The following APLP2 variants were observed in gnomAD, a reference collection of about 807,000 sequenced individuals.
APLP2 encodes the protein CDEI box-binding protein.
Under a neutral mutation model 89.9 loss-of-function variants are expected in APLP2, and 53 were observed. That is an observed-to-expected ratio of 0.59 (90% CI 0.47 to 0.74). APLP2 has a LOEUF of 0.74. Among genes scored for constraint, APLP2 ranks in the 30% least tolerant of loss-of-function variants. The pLI, the probability that APLP2 is intolerant of heterozygous loss-of-function variation, is 0.00. For synonymous variants in APLP2, 372 were observed against 348.6 expected (o/e 1.07, Z -0.75); for missense variants, 973 against 975.9 (o/e 1.00, Z 0.04).
intron 16 of APLP2, 90 bp downstream of exon 16, chr11:130,142,164 C>T (rs1952500795): frequency 1.1e-5 from 15 of 1,362,698 alleles, no homozygotes; most frequent in Middle Eastern, 2.5e-4. Flanking sequence ...CTTCACTCCT[C>T]GAGTACTGGA....
chr11:130,083,026 C>T (rs78560043), intron 1 of APLP2, among the ~76,000 whole-genome samples: 5,125 of 71,880 alleles, frequency 0.071, 194 homozygotes, highest in East Asian at 0.19. Context: ...CTTTTCTTTT[C>T]TTTTTTTTTT....
intron 1 of APLP2, among the ~76,000 whole-genome samples, chr11:130,096,729 A>T (rs1456969828): frequency 2.0e-5 from 3 of 152,158 alleles, no homozygotes; most frequent in Admixed American, 1.3e-4. Context: ...AAAAAATACC[A>T]AAAAAGGTGC....
intron 6 of APLP2, among the ~76,000 whole-genome samples, 185 bp downstream of exon 6, chr11:130,122,698 G>A (rs138620366): frequency 6.6e-6 from 1 of 152,314 alleles, no homozygotes; most frequent in African/African-American, 2.4e-5. Flanking sequence ...GGGCAGGCAG[G>A]CACATCCAGG....
chr11:130,142,740 C>T (rs1305165101), intron 16 of APLP2, among the ~76,000 whole-genome samples: 1 of 151,990 alleles, frequency 6.6e-6, no homozygotes. Flanking sequence ...CAGCCTCCCA[C>T]CTAGCTGAGA....
intron 3 of APLP2, among the ~76,000 whole-genome samples, chr11:130,119,054 G>T (rs965811346): frequency 7.9e-5 from 12 of 152,216 alleles, no homozygotes; most frequent in Non-Finnish European, 1.5e-4. Context: ...TGCGCCCGAG[G>T]CCCAAGGCAG....
rs114384574 is a variant in APLP2, at chr11:130,131,578, A to G, written c.1584+1412A>G. 4.9e-3 allele frequency among the ~76,000 whole-genome samples: 742 copies of G among 152,338 alleles called. 5 individuals carry two copies. The highest frequency in any genetic ancestry group is 0.017 in the African/African-American group (706 of 41,562). On this transcript the variant is annotated intron_variant, in intron 11 of 16. Coordinates refer to ENST00000338167, the MANE Select transcript of APLP2 (RefSeq NM_001142276.2). ...TTTGCTTCACGCTGGATGTAGCAGAAGAGGAGAAAGTCCAAGAGGCCTGGA... is the reference window on the plus strand; with the variant it reads ...TTTGCTTCACGCTGGATGTAGCAGAGGAGGAGAAAGTCCAAGAGGCCTGGA...
intron 14 of APLP2, 129 bp downstream of exon 14, chr11:130,140,612 C>A: frequency 1.7e-6 from 1 of 592,990 alleles, no homozygotes. Context: ...GGTTGGAGGG[C>A]TCCAACGGCT....
intron 1 of APLP2, among the ~76,000 whole-genome samples, chr11:130,105,701 CT>C (rs765278847): frequency 0.053 from 6,212 of 118,072 alleles, 72 homozygotes; most frequent in Non-Finnish European, 0.067. Flanking sequence ...TTTCTGTCTG[CT>C]TTTTTTTTTT....
chr11:130,142,463 T>G (rs924028323), intron 16 of APLP2, among the ~76,000 whole-genome samples: 3 of 152,164 alleles, frequency 2.0e-5, no homozygotes, highest in Non-Finnish European at 4.4e-5. Flanking sequence ...CTTCTGCTGG[T>G]TACTGAACTT....
In APLP2 at chr11:130,124,226, G is replaced by A. The variant is rs141862788; in HGVS notation, c.1090+447G>A. 1.2e-4 allele frequency among the ~76,000 whole-genome samples: 18 copies of A among 152,304 alleles called. No individual in the cohort carries two copies. In the East Asian group the frequency reaches 2.1e-3, roughly 18 times the overall value. ...TGTGATGCATGCCAGCTCATGGGGC[G>A]CCTCCTCTCGAAAGGAGTGACAGTG... is the stretch of plus-strand genomic sequence containing the variant. On this transcript the variant is annotated intron_variant, in intron 7 of 16. Transcript: ENST00000338167.
rs747180 is a variant in APLP2, at chr11:130,120,692, A to G, written c.404-14A>G. On this transcript the variant is annotated splice_polypyrimidine_tract_variant and intron_variant, in intron 3 of 16. Transcript: ENST00000338167. Reference sequence around the variant, plus strand: ...CATGGTCAGATCCGCTCTGACAAAGATTCTCTTTTCCAGTGGGTGAATTTG... The same window carrying G: ...CATGGTCAGATCCGCTCTGACAAAGGTTCTCTTTTCCAGTGGGTGAATTTG... 227,981 of 1,597,810 alleles carry G rather than the reference A, an allele frequency of 0.14. 27,523 individuals are homozygous for G. Among genetic ancestry groups the G allele is most frequent in the African/African-American group, 0.64 (48,000 of 74,616 alleles).
intron 1 of APLP2, among the ~76,000 whole-genome samples, chr11:130,105,139 G>A (rs530097734): frequency 1.3e-5 from 2 of 152,322 alleles, no homozygotes; most frequent in Middle Eastern, 3.4e-3. Context: ...TCAGCTAGGC[G>A]TAGTATCTCA....
chr11:130,070,163 C>T, intron 1 of APLP2, 81 bp downstream of exon 1: 5 of 986,394 alleles, frequency 5.1e-6, no homozygotes, highest in Non-Finnish European at 6.5e-6. Context: ...GCGGGGTCCG[C>T]GGCAGGGCGG....
intron 3 of APLP2, among the ~76,000 whole-genome samples, chr11:130,119,880 C>T (rs1170527432): frequency 6.6e-6 from 1 of 152,142 alleles, no homozygotes; most frequent in African/African-American, 2.4e-5. Flanking sequence ...CCTAAGTGTC[C>T]AACTAGTGTT....
At chr11:130,106,594 C>G (rs934377107) in intron 1 of APLP2, among the ~76,000 whole-genome samples, 1 of 152,182 alleles carries the variant, frequency 6.6e-6, no homozygotes, top group Non-Finnish European at 1.5e-5. Flanking sequence ...GCCTCAAAAT[C>G]AACATTGCCT....
intron 1 of APLP2, among the ~76,000 whole-genome samples, chr11:130,088,567 TTC>T (rs1298784239): frequency 1.3e-5 from 2 of 152,116 alleles, no homozygotes; most frequent in African/African-American, 4.8e-5. Context: ...AAATGTCATC[TTC>T]TCTCTCTGCT....
chr11:130,109,645 G>A, intron 2 of APLP2, 43 bp downstream of exon 2: 1 of 1,576,238 alleles, frequency 6.3e-7, no homozygotes, highest in African/African-American at 1.4e-5. Flanking sequence ...TTTTTCTGGG[G>A]CAGGGTTGAA....
Position 130,141,673 on chromosome 11 carries a change from T to C in APLP2, c.1998+101T>C. ...TAGAAAACGGGAGAGATGCCTGAGC[T>C]AATAAGGGTCCCTCATCCCCAGCTT... On this transcript the variant is annotated intron_variant, in intron 15 of 16. Coordinates refer to ENST00000338167, the MANE Select transcript of APLP2 (RefSeq NM_001142276.2). This position sits in a 1 kb window ranked among gnomAD's most constrained non-coding sequence, Gnocchi z 4.2. 9.3e-7 allele frequency: 1 copy of C among 1,075,132 alleles called. No homozygotes were observed. The highest frequency in any genetic ancestry group is 1.4e-6 in the Non-Finnish European group (1 of 725,164). The allele number at this position is 1,075,132 out of a possible 1,614,324, so 66.6% of individuals were successfully genotyped here.
intron 1 of APLP2, among the ~76,000 whole-genome samples, chr11:130,090,091 C>T (rs1415629135): frequency 6.6e-6 from 1 of 152,094 alleles, no homozygotes; most frequent in Admixed American, 6.6e-5. Flanking sequence ...AATAAAGGGT[C>T]AGAATTTTAT....
Sources: gnomAD v4.1 joint callset for allele counts (sites outside exome capture counted in the v4.1 genomes callset) on GRCh38, gnomAD v4.1.1 for gene constraint, Gnocchi (gnomAD v3.1) non-coding constraint, MANE v1.5 for transcripts, NCBI Gene and HGNC (gene_info 2026-07-23, HGNC 2026-07-21) for gene names.